SFMBT2: variants seen among roughly 807,000 people sequenced by gnomAD.
The protein encoded by SFMBT2 is Scm like with four mbt domains 2.
Under a neutral mutation model 110.1 loss-of-function variants are expected in SFMBT2, and 38 were observed. The ratio of observed to expected loss-of-function variants is 0.35; its 90% confidence interval spans 0.27 to 0.45. The LOEUF (loss-of-function observed/expected upper bound fraction) is 0.45. Ranked by LOEUF, SFMBT2 falls within the 20% of genes least tolerant of loss-of-function variation. The pLI, the probability that SFMBT2 is intolerant of heterozygous loss-of-function variation, is 1.00. For missense variants in SFMBT2, 1,011 were observed against 1,094.9 expected (o/e 0.92, Z 1.08); for synonymous variants, 425 against 425.4 (o/e 1.00, Z 0.01).
intron 4 of SFMBT2, chr10:7,348,333 A>G: frequency 6.5e-7 from 1 of 1,527,344 alleles, no homozygotes; most frequent in South Asian, 1.2e-5. Flanking sequence ...ATCACTCTCT[A>G]CTACAAAAAA....
intron 2 of SFMBT2, among the ~76,000 whole-genome samples, chr10:7,371,978 G>A (rs1845076406): frequency 6.9e-6 from 1 of 144,304 alleles, no homozygotes; most frequent in African/African-American, 2.6e-5. Context: ...CCAGGCTGGA[G>A]TGCAGTGGCG....
intron 10 of SFMBT2, 50 bp downstream of exon 10, chr10:7,227,805 T>G: frequency 1.3e-6 from 2 of 1,527,116 alleles, no homozygotes; most frequent in Non-Finnish European, 1.8e-6. Flanking sequence ...AAACTTACGG[T>G]AGACAAAATC....
chr10:7,313,787 T>G (rs1842918208), intron 4 of SFMBT2, among the ~76,000 whole-genome samples: 1 of 152,178 alleles, frequency 6.6e-6, no homozygotes, highest in Non-Finnish European at 1.5e-5. Context: ...CCAGCCAGGT[T>G]GTAAGATGGT....
intron 11 of SFMBT2, among the ~76,000 whole-genome samples, chr10:7,209,509 T>A (rs1430868596): frequency 6.6e-6 from 1 of 152,216 alleles, no homozygotes; most frequent in Non-Finnish European, 1.5e-5. Context: ...TAAATCTGGG[T>A]ATATCCATAT....
At chr10:7,197,489 C>T (rs755064950) in intron 15 of SFMBT2, 59 bp downstream of exon 15, 323 of 1,584,634 alleles carry the variant, frequency 2.0e-4, no homozygotes, top group Non-Finnish European at 2.7e-4. Flanking sequence ...GAAACTGAGC[C>T]CACAGCTTTT....
intron 1 of SFMBT2, among the ~76,000 whole-genome samples, chr10:7,384,211 CAAAAAAAAAA>C (rs59239303): frequency 2.2e-3 from 61 of 27,982 alleles, no homozygotes; most frequent in South Asian, 0.011. Context: ...AACTCCATCT[CAAAAAAAAAA>C]AAAAAAAAAA....
chr10:7,272,044 T>C (rs534064130), intron 7 of SFMBT2, among the ~76,000 whole-genome samples: 2 of 152,054 alleles, frequency 1.3e-5, no homozygotes, highest in African/African-American at 4.8e-5. Context: ...CAAGTGCACC[T>C]CCTGGTACAG....
intron 10 of SFMBT2, among the ~76,000 whole-genome samples, chr10:7,223,106 G>C (rs988149478): frequency 6.6e-6 from 1 of 152,152 alleles, no homozygotes; most frequent in Non-Finnish European, 1.5e-5. Context: ...ATGAATTTGA[G>C]GGAGGCACAA....
chr10:7,384,674 C>T (rs778983618), intron 1 of SFMBT2, among the ~76,000 whole-genome samples: 15 of 152,090 alleles, frequency 9.9e-5, no homozygotes, highest in African/African-American at 2.7e-4. Context: ...TTGTTGTTAA[C>T]GGAGGACATT....
At chr10:7,353,686 G>A (rs560270243) in intron 4 of SFMBT2, among the ~76,000 whole-genome samples, 1 of 152,276 alleles carries the variant, frequency 6.6e-6, no homozygotes, top group African/African-American at 2.4e-5. Context: ...CACAAAGGAT[G>A]TAATTTCCTG....
rs796801720 is a variant in SFMBT2, at chr10:7,352,489, AT to A, written c.436+15159del. Among the ~76,000 whole-genome samples the A allele has an allele frequency of 9.1e-4, 137 of 150,744 alleles. 1 individual carries two copies. The highest frequency in any genetic ancestry group is 5.5e-3 in the South Asian group (26 of 4,732). The stretch of plus-strand genomic sequence containing the variant: ...AGGCATGCACCACCACACCTGGTTA[AT>A]TTTTTTTTTCTTAGAAATGGTGTCT... On this transcript the variant is annotated intron_variant, in intron 4 of 20. Transcript: ENST00000397167.
intron 7 of SFMBT2, among the ~76,000 whole-genome samples, chr10:7,252,669 A>C (rs954933521): frequency 2.0e-5 from 3 of 152,210 alleles, no homozygotes; most frequent in Non-Finnish European, 4.4e-5. Context: ...GCATTATTCC[A>C]AAAATTTTAG....
At chr10:7,339,973 A>C (rs1843839290) in intron 4 of SFMBT2, among the ~76,000 whole-genome samples, 1 of 152,130 alleles carries the variant, frequency 6.6e-6, no homozygotes, top group Non-Finnish European at 1.5e-5. Flanking sequence ...TCATTACGCA[A>C]ATGAGTGCTT....
chr10:7,224,011 G>C (rs1396508411), intron 10 of SFMBT2, among the ~76,000 whole-genome samples: 3 of 152,148 alleles, frequency 2.0e-5, no homozygotes, highest in Admixed American at 2.0e-4. Flanking sequence ...TTTAGTCTAT[G>C]CTTGGTTTAG....
intron 12 of SFMBT2, 122 bp downstream of exon 12, chr10:7,205,693 G>A: frequency 7.0e-7 from 1 of 1,420,338 alleles, no homozygotes; most frequent in East Asian, 2.6e-5. Flanking sequence ...ATGGGTTCTT[G>A]GTGGAAAATC....
chr10:7,379,791 T>C (rs961396235), intron 2 of SFMBT2, among the ~76,000 whole-genome samples: 5 of 152,208 alleles, frequency 3.3e-5, no homozygotes, highest in African/African-American at 1.2e-4. Context: ...TGAGTATACA[T>C]GGGTTTTCTG....
intron 9 of SFMBT2, among the ~76,000 whole-genome samples, chr10:7,228,673 T>A (rs557352830): frequency 7.9e-5 from 3 of 37,906 alleles, no homozygotes. Context: ...CTAAAGTGGC[T>A]TCTTTCTTTC....
chr10:7,362,263 G>T (rs77096095), intron 4 of SFMBT2, among the ~76,000 whole-genome samples: 1 of 152,126 alleles, frequency 6.6e-6, no homozygotes, highest in Non-Finnish European at 1.5e-5. Context: ...CTCTAAATGC[G>T]TCTTTATTAA....
At chr10:7,299,750 G>A (rs1842504687) in intron 4 of SFMBT2, among the ~76,000 whole-genome samples, 1 of 152,052 alleles carries the variant, frequency 6.6e-6, no homozygotes, top group Admixed American at 6.5e-5. Context: ...AAACATATGT[G>A]TGCATGTGTC....
Sources: allele counts gnomAD v4.1 joint callset (sites outside exome capture counted in the v4.1 genomes callset), GRCh38; gene constraint gnomAD v4.1.1; transcripts MANE v1.5; gene names NCBI Gene and HGNC (gene_info 2026-07-23, HGNC 2026-07-21).